The following CPPED1 variants were observed in gnomAD, a reference collection of about 807,000 sequenced individuals.
The protein encoded by CPPED1 is serine/threonine-protein phosphatase CPPED1.
Under a neutral mutation model 28.0 loss-of-function variants are expected in CPPED1, and 28 were observed. The ratio of observed to expected loss-of-function variants is 1.00; its 90% CI spans 0.74 to 1.37. CPPED1 has a LOEUF of 1.37. Among genes scored for constraint, CPPED1 ranks in the 40% most tolerant of loss-of-function variants. The pLI is 0.00. For missense variants in CPPED1, 504 were observed against 416.5 expected, an observed-to-expected ratio of 1.21 and a Z score of -1.83; for synonymous variants, 198 against 180.2, an observed-to-expected ratio of 1.10 and a Z score of -0.79.
intron 3 of CPPED1, among the ~76,000 whole-genome samples, chr16:12,698,544 G>A (rs2080004200): frequency 6.6e-6 from 1 of 152,136 alleles, no homozygotes; most frequent in South Asian, 2.1e-4. Context: ...CGATTCTTCT[G>A]CCTCAGCCTC....
intron 3 of CPPED1, among the ~76,000 whole-genome samples, chr16:12,704,136 G>C (rs555379665): frequency 6.6e-6 from 1 of 152,312 alleles, no homozygotes; most frequent in East Asian, 1.9e-4. Context: ...GACTCTTAAA[G>C]ATCGTCTGCC....
chr16:12,664,778 C>A lies in CPPED1; in HGVS notation c.*108G>T. The A allele has an allele frequency of 2.0e-6, 3 of 1,528,856 alleles. No homozygotes were observed. The highest frequency in any genetic ancestry group is 2.6e-5 in the South Asian group (2 of 78,384). The allele number at this position is 1,528,856 out of a possible 1,614,324, so 94.7% of individuals were successfully genotyped here. A position where few individuals can be genotyped will look rare whatever the true frequency, so the allele number is the denominator to read the frequency against. The stretch of plus-strand genomic sequence containing the variant: ...ATGCAAAAGGACATAAATTCACAAA[C>A]CTGCCTGGGCTATTTTTATATTTCA... On this transcript the variant is annotated 3_prime_UTR_variant, in exon 4 of 4. Coordinates refer to ENST00000381774, the MANE Select transcript of CPPED1 (RefSeq NM_018340.3). This position sits in a 1 kb window ranked among gnomAD's most constrained non-coding sequence, Gnocchi z 4.2.
chr16:12,734,351 T>G (rs1386296305), intron 2 of CPPED1, among the ~76,000 whole-genome samples: 1 of 151,786 alleles, frequency 6.6e-6, no homozygotes, highest in African/African-American at 2.4e-5. Context: ...ATTACAGGCA[T>G]GAGTCACTGC....
intron 2 of CPPED1, among the ~76,000 whole-genome samples, chr16:12,772,031 G>A (rs2080473022): frequency 6.6e-6 from 1 of 152,154 alleles, no homozygotes; most frequent in Non-Finnish European, 1.5e-5. Context: ...GCTGAGGCAG[G>A]AGAATTGCTT....
intron 2 of CPPED1, among the ~76,000 whole-genome samples, chr16:12,780,284 A>G (rs1431190395): frequency 6.6e-6 from 1 of 152,096 alleles, no homozygotes; most frequent in Non-Finnish European, 1.5e-5. Flanking sequence ...GGTTCAAGCA[A>G]GTTTCATGCC....
chr16:12,674,136 G>C (rs1471321867), intron 3 of CPPED1, among the ~76,000 whole-genome samples: 1 of 152,290 alleles, frequency 6.6e-6, no homozygotes, highest in Middle Eastern at 3.4e-3. Context: ...TGGTAAAAGA[G>C]AGTCCTCCCC....
chr16:12,714,179 T>A (rs1418631719), intron 2 of CPPED1, among the ~76,000 whole-genome samples: 1 of 152,236 alleles, frequency 6.6e-6, no homozygotes, highest in Non-Finnish European at 1.5e-5. Flanking sequence ...TATCCATTCA[T>A]CTACTGATGG....
intron 3 of CPPED1, among the ~76,000 whole-genome samples, chr16:12,679,511 T>C (rs1054295500): frequency 6.6e-6 from 1 of 152,200 alleles, no homozygotes; most frequent in Admixed American, 6.5e-5. Context: ...CCAGATAATT[T>C]AAATGTGTAT....
At chr16:12,745,798 T>C (rs995559303) in intron 2 of CPPED1, 2 of 152,096 alleles carry the variant, frequency 1.3e-5, no homozygotes, top group Non-Finnish European at 2.9e-5. Context: ...TATGCAACAA[T>C]AGCACAAGTT....
At chr16:12,722,301 C>T (rs986987811) in intron 2 of CPPED1, among the ~76,000 whole-genome samples, 5 of 152,214 alleles carry the variant, frequency 3.3e-5, no homozygotes, top group Admixed American at 6.5e-5. Context: ...AAATCAATAT[C>T]GCCCTCAGGT....
intron 1 of CPPED1, among the ~76,000 whole-genome samples, chr16:12,791,657 C>T (rs533886816): frequency 6.6e-6 from 1 of 152,292 alleles, no homozygotes; most frequent in Non-Finnish European, 1.5e-5. Context: ...CAGGATGGCT[C>T]CCTGCAGCTC....
At chr16:12,777,909 T>C (rs2080507295) in intron 2 of CPPED1, among the ~76,000 whole-genome samples, 2 of 150,306 alleles carry the variant, frequency 1.3e-5, no homozygotes, top group African/African-American at 4.9e-5. Context: ...TTTTCTTTTT[T>C]TTTTTTTTTT....
At chr16:12,775,074 C>G (rs1221063670) in intron 2 of CPPED1, among the ~76,000 whole-genome samples, 2 of 152,122 alleles carry the variant, frequency 1.3e-5, no homozygotes, top group African/African-American at 4.8e-5. Flanking sequence ...CTTGCCTTGG[C>G]CTCCCAAAGT....
intron 2 of CPPED1, among the ~76,000 whole-genome samples, chr16:12,768,093 T>C (rs2080449689): frequency 6.6e-6 from 1 of 152,246 alleles, no homozygotes; most frequent in South Asian, 2.1e-4. Context: ...ACGGATAAGA[T>C]GTTGTTTCTT....
At chr16:12,718,559 A>G (rs2080120262) in intron 2 of CPPED1, among the ~76,000 whole-genome samples, 1 of 144,242 alleles carries the variant, frequency 6.9e-6, no homozygotes, top group Non-Finnish European at 1.5e-5. Context: ...AAAAAAAAAG[A>G]AAGAAAAAAA....
rs943868840 is a variant in CPPED1 at position 12,682,526 on chromosome 16, C to T, written c.716-17411G>A. On this transcript the variant is annotated intron_variant, in intron 3 of 3. Coordinates refer to ENST00000381774, the MANE Select transcript of CPPED1 (RefSeq NM_018340.3). The surrounding 1 kb of genome is among the most constrained non-coding windows in gnomAD (Gnocchi z 6.1). ...AGGGGTTGGGAGACTCAGGCGTGAA[C>T]CTCAGTTCTGCTGTTGCTGAGCTGT... is the stretch of plus-strand genomic sequence containing the variant. Among the ~76,000 whole-genome samples, 1 of 152,086 alleles carries T rather than the reference C, an allele frequency of 6.6e-6. No individual in the cohort carries two copies.
At chr16:12,763,581 C>T (rs2080422239) in intron 2 of CPPED1, among the ~76,000 whole-genome samples, 1 of 152,280 alleles carries the variant, frequency 6.6e-6, no homozygotes, top group African/African-American at 2.4e-5. Flanking sequence ...TCATTTAAGT[C>T]TTATGAGAAA....
At chr16:12,800,053 G>C (rs2080649953) in intron 1 of CPPED1, among the ~76,000 whole-genome samples, 1 of 152,130 alleles carries the variant, frequency 6.6e-6, no homozygotes, top group African/African-American at 2.4e-5. Flanking sequence ...AGCTGCAATG[G>C]CCTAGGAAGC....
chr16:12,686,210 T>C (rs893084493), intron 3 of CPPED1, among the ~76,000 whole-genome samples: 6 of 151,398 alleles, frequency 4.0e-5, no homozygotes, highest in Admixed American at 6.6e-5. Flanking sequence ...GTTTTGAAGA[T>C]TGCTTGTTTA....
Sources: allele counts gnomAD v4.1 joint callset (sites outside exome capture counted in the v4.1 genomes callset), GRCh38; gene constraint gnomAD v4.1.1; non-coding constraint Gnocchi (gnomAD v3.1); transcripts MANE v1.5; gene names NCBI Gene and HGNC (gene_info 2026-07-23, HGNC 2026-07-21).